The following ATP7B variants were observed in gnomAD, a reference collection of about 807,000 sequenced individuals.
ATP7B encodes the protein ATPase copper transporting beta.
Under a neutral mutation model 118.9 loss-of-function variants are expected in ATP7B, and 113 were observed. The observed-to-expected ratio is 0.95, with a 90% confidence interval of 0.82 to 1.11. ATP7B has a LOEUF of 1.11. ATP7B is among the 50% of genes most tolerant of loss of function. ATP7B has a pLI of 0.00. For missense variants in ATP7B, 1,867 were observed against 1,871.4 expected, an observed-to-expected ratio of 1.00 and a Z score of 0.04; for synonymous variants, 777 against 727.4, an observed-to-expected ratio of 1.07 and a Z score of -1.10.
At chr13:51,990,563 T>C (rs1055983970) in intron 1 of ATP7B, among the ~76,000 whole-genome samples, 1 of 152,276 alleles carries the variant, frequency 6.6e-6, no homozygotes, top group Non-Finnish European at 1.5e-5. Flanking sequence ...TATACTTTGC[T>C]ACTAATGTTT....
At chr13:51,958,150 G>T in intron 8 of ATP7B, 161 bp downstream of exon 8, 1 of 782,472 alleles carries the variant, frequency 1.3e-6, no homozygotes, top group South Asian at 1.8e-5. Context: ...GACCAATTTG[G>T]AGATTAGTGA....
chr13:52,006,342 T>C (rs1188340359), intron 1 of ATP7B, among the ~76,000 whole-genome samples: 4 of 152,246 alleles, frequency 2.6e-5, no homozygotes, highest in Non-Finnish European at 5.9e-5. Flanking sequence ...AATCCATCTC[T>C]GTCACTTGCT....
intron 2 of ATP7B, among the ~76,000 whole-genome samples, chr13:51,971,256 AAAC>A (rs1261406878): frequency 2.6e-5 from 4 of 152,262 alleles, no homozygotes; most frequent in Non-Finnish European, 5.9e-5. Flanking sequence ...ATTCTCAGAC[AAAC>A]AACAAATAAT....
chr13:51,961,709 A>G (rs1958754869), intron 6 of ATP7B, 128 bp downstream of exon 6: 3 of 893,506 alleles, frequency 3.4e-6, no homozygotes, highest in Non-Finnish European at 5.5e-6. Context: ...GGTTCACATT[A>G]CAAGGGTAAA....
At chr13:51,980,885 T>C (rs9535813) in intron 1 of ATP7B, among the ~76,000 whole-genome samples, 85,789 of 152,114 alleles carry the variant, frequency 0.56, 25,722 homozygotes, top group Non-Finnish European at 0.67. Context: ...TTTTCCAATA[T>C]ATCACCTCCC....
chr13:51,977,415 G>A (rs139562349), intron 1 of ATP7B, among the ~76,000 whole-genome samples: 3,130 of 151,478 alleles, frequency 0.021, 96 homozygotes, highest in Admixed American at 0.089. Flanking sequence ...CATTAGCCTC[G>A]GCCTACACAT....
rs139211339 is a variant in ATP7B, at chr13:51,958,298, A to C, written c.2355+13T>G. On this transcript the variant is annotated intron_variant, in intron 8 of 20. Coordinates refer to ENST00000242839, the MANE Select transcript of ATP7B (RefSeq NM_000053.4). ...AAGGAGCAGCTCTTTTCTGAACCTGAAGCTGCTGTTACCTTTGCCAAGTGT... is the reference window on the plus strand; with the variant it reads ...AAGGAGCAGCTCTTTTCTGAACCTGCAGCTGCTGTTACCTTTGCCAAGTGT... 5,379 of 1,613,232 alleles carry C rather than the reference A, an allele frequency of 3.3e-3. 12 individuals carry two copies. Among genetic ancestry groups the C allele is most frequent in the Non-Finnish European group, 3.9e-3 (4,558 of 1,179,170 alleles).
At chr13:51,986,702 A>G (rs1246151510) in intron 1 of ATP7B, among the ~76,000 whole-genome samples, 2 of 152,216 alleles carry the variant, frequency 1.3e-5, no homozygotes, top group Admixed American at 6.5e-5. Flanking sequence ...CAGCACATCA[A>G]AAAGCTTATC....
intron 5 of ATP7B, among the ~76,000 whole-genome samples, chr13:51,963,855 C>T (rs1019385359): frequency 2.0e-5 from 3 of 151,880 alleles, no homozygotes; most frequent in African/African-American, 4.8e-5. Flanking sequence ...AGTTTGAGAC[C>T]GGCCTGGCCA....
At chr13:51,941,782 T>C (rs1004043406) in intron 15 of ATP7B, among the ~76,000 whole-genome samples, 3 of 151,918 alleles carry the variant, frequency 2.0e-5, no homozygotes, top group African/African-American at 7.3e-5. Flanking sequence ...CATCCTGGGG[T>C]TTTAAAGGCT....
intron 1 of ATP7B, among the ~76,000 whole-genome samples, chr13:52,005,830 G>C (rs1953740318): frequency 6.6e-6 from 1 of 152,166 alleles, no homozygotes. Flanking sequence ...GTTGGGAACA[G>C]GCCCCCCAAA....
rs1951922 is a variant in ATP7B, at chr13:51,973,648, C to T, written c.1285+287G>A. 0.41 allele frequency among the ~76,000 whole-genome samples: 63,073 copies of T among 152,112 alleles called. 14,037 individuals are homozygous for T. The highest frequency in any genetic ancestry group is 0.54 in the East Asian group (2,797 of 5,176). On this transcript the variant is annotated intron_variant, in intron 2 of 20. Coordinates refer to ENST00000242839, the MANE Select transcript of ATP7B (RefSeq NM_000053.4). ...TAGACTTCTCAGTAACTATAAGAAA[C>T]AAATTCCATATCTTTATAAATTACC...
chr13:51,968,645 G>C, intron 3 of ATP7B, 38 bp from the exon 4 acceptor site: 2 of 1,611,992 alleles, frequency 1.2e-6, no homozygotes, highest in Non-Finnish European at 1.7e-6. Flanking sequence ...ACTCTGGGTG[G>C]GCAGGGCCTC....
intron 9 of ATP7B, among the ~76,000 whole-genome samples, chr13:51,954,139 G>A (rs189314332): frequency 9.2e-5 from 14 of 152,320 alleles, no homozygotes; most frequent in Middle Eastern, 3.4e-3. Flanking sequence ...CTGAAGGCAA[G>A]GAGCCAGGCA....
In ATP7B at chr13:51,975,002, A is replaced by G. The variant is rs1411080052; in HGVS notation, c.218T>C (p.Val73Ala). Residue 73 changes from valine to alanine, a missense_variant, in exon 2 of 21, where the codon GTG (valine) becomes GCG (alanine). Transcript: ENST00000242839. ...RILGMTCQSC[V>A]KSIEDRISNL... ...GGAAATCCTGTCCTCAATGGACTTC[A>G]CACATGACTGGCAAGTCATGCCCAA... is the stretch of plus-strand genomic sequence containing the variant. The G allele has an allele frequency of 6.2e-7, 1 of 1,614,110 alleles. No homozygotes were observed. The highest frequency in any genetic ancestry group is 8.5e-7 in the Non-Finnish European group (1 of 1,180,042).
chr13:51,947,717 C>T (rs914587700), intron 12 of ATP7B: 6 of 152,022 alleles, frequency 3.9e-5, no homozygotes, highest in African/African-American at 1.2e-4. Context: ...TTTAAAAATA[C>T]ACTAATTCTT....
rs1459023925 is a variant in ATP7B, at chr13:51,958,484, T to C, written c.2182A>G (p.Asn728Asp). 2 of 1,614,074 alleles carry C rather than the reference T, an allele frequency of 1.2e-6. No homozygotes were observed. Among genetic ancestry groups the C allele is most frequent in the Non-Finnish European group, 1.7e-6 (2 of 1,180,044 alleles). ...AYKSLRHRSA[N>D]MDVLIVLATS... ...GCCAGGACGATGAGCACGTCCATGT[T>C]GGCTGACCTGTGTCTCAGAGATTTG... The change falls in exon 8 of 21, where the codon AAC becomes GAC. Residue 728 changes from asparagine to aspartate, a missense_variant. By Grantham distance (23) the Asn-to-Asp change is conservative. Coordinates refer to ENST00000242839, the MANE Select transcript of ATP7B (RefSeq NM_000053.4).
At chr13:52,004,971 C>G (rs1440791632) in intron 1 of ATP7B, among the ~76,000 whole-genome samples, 1 of 152,208 alleles carries the variant, frequency 6.6e-6, no homozygotes, top group Non-Finnish European at 1.5e-5. Flanking sequence ...GAGCAGCAGC[C>G]CAAGCCACAC....
rs763053197 is a variant in ATP7B, at chr13:51,944,167, G to A, written c.3185C>T (p.Thr1062Ile). The change falls in exon 14 of 21, where the codon ACT becomes ATT. Residue 1062 changes from threonine to isoleucine, a missense_variant. Thr to Ile is a moderately conservative substitution (Grantham distance 89, BLOSUM62 -1). Transcript: ENST00000242839. ...GGGGTGTTCACTGCTGGCCTCCGCA[G>A]TCCCCACCACAGCCAGAACCTTCCT... ...PLRKVLAVVG[T>I]AEASSEHPLG... 1 of 1,614,146 alleles carries A rather than the reference G, an allele frequency of 6.2e-7. No homozygotes were observed. Among genetic ancestry groups the A allele is most frequent in the South Asian group, 1.1e-5 (1 of 91,092 alleles).
Sources: allele counts gnomAD v4.1 joint callset (sites outside exome capture counted in the v4.1 genomes callset), GRCh38; gene constraint gnomAD v4.1.1; transcripts MANE v1.5; gene names NCBI Gene and HGNC (gene_info 2026-07-23, HGNC 2026-07-21).